FAM135B: variants seen among roughly 807,000 people sequenced by gnomAD.
FAM135B encodes family with sequence similarity 135 member B, also known as protein FAM135B.
Under a neutral mutation model 127.7 loss-of-function variants are expected in FAM135B, and 43 were observed. That is an observed-to-expected ratio of 0.34 (90% CI 0.26 to 0.43). FAM135B has a LOEUF of 0.43. Ranked by LOEUF, FAM135B falls within the 20% of genes least tolerant of loss-of-function variation. The pLI is 1.00. For missense variants in FAM135B, 1,558 were observed against 1,725.6 expected, an observed-to-expected ratio of 0.90 and a Z score of 1.72; for synonymous variants, 670 against 665.1, an observed-to-expected ratio of 1.01 and a Z score of -0.11.
chr8:138,242,230 T>A lies in FAM135B; in HGVS notation c.669+712A>T, dbSNP rs1820860837. Among the ~76,000 whole-genome samples, 3 of 150,700 alleles carry A rather than the reference T, an allele frequency of 2.0e-5. No homozygotes were observed. In the South Asian group the frequency reaches 6.3e-4, roughly 32 times the overall value. On this transcript the variant is annotated intron_variant, in intron 7 of 19. Coordinates refer to ENST00000395297, the MANE Select transcript of FAM135B (RefSeq NM_015912.4). The surrounding 1 kb of genome is among the most constrained non-coding windows in gnomAD (Gnocchi z 9.6). ...GTGTGTGTGTGTGTTCTATTGGCTG[T>A]ATTGGTCCTGTTTCTCTGGAGAACC...
intron 12 of FAM135B, among the ~76,000 whole-genome samples, chr8:138,160,104 G>T (rs2130847308): frequency 6.6e-6 from 1 of 152,252 alleles, no homozygotes; most frequent in Middle Eastern, 3.4e-3. Flanking sequence ...TGTCTCTAGT[G>T]ATGACACAGA....
At chr8:138,476,706 C>G (rs1339587277) in intron 1 of FAM135B, among the ~76,000 whole-genome samples, 1 of 151,990 alleles carries the variant, frequency 6.6e-6, no homozygotes, top group African/African-American at 2.4e-5. Context: ...CATAGCCTAG[C>G]CTATAAATTA....
intron 1 of FAM135B, among the ~76,000 whole-genome samples, chr8:138,403,110 T>C (rs1476121812): frequency 2.0e-5 from 3 of 152,198 alleles, no homozygotes; most frequent in Admixed American, 1.3e-4. Flanking sequence ...GTTTAAGCCA[T>C]CCTGTCTATG....
intron 9 of FAM135B, among the ~76,000 whole-genome samples, chr8:138,186,953 C>A (rs1439671744): frequency 1.3e-5 from 2 of 152,180 alleles, no homozygotes; most frequent in African/African-American, 4.8e-5. Context: ...AGCCACATTT[C>A]TCTGTGTCCA....
At chr8:138,139,775 A>T (rs1308649898) in intron 17 of FAM135B, among the ~76,000 whole-genome samples, 1 of 152,214 alleles carries the variant, frequency 6.6e-6, no homozygotes, top group Non-Finnish European at 1.5e-5. Flanking sequence ...TCAAAAAACA[A>T]CAACAACAAC....
chr8:138,440,666 A>C (rs78951381), intron 1 of FAM135B: 1 of 151,874 alleles, frequency 6.6e-6, no homozygotes, highest in Admixed American at 6.5e-5. Context: ...CTTTTTTGAC[A>C]TGAGATATTT....
At chr8:138,399,181 T>C (rs1331800049) in intron 1 of FAM135B, among the ~76,000 whole-genome samples, 3 of 152,206 alleles carry the variant, frequency 2.0e-5, no homozygotes, top group African/African-American at 7.2e-5. Flanking sequence ...GTGTCCTAGC[T>C]TCCTAGCTGA....
chr8:138,238,631 G>A (rs1820490402), intron 7 of FAM135B, among the ~76,000 whole-genome samples: 1 of 152,198 alleles, frequency 6.6e-6, no homozygotes, highest in Non-Finnish European at 1.5e-5. Context: ...GTCTCTGCAA[G>A]GAAAGGCTTA....
intron 1 of FAM135B, among the ~76,000 whole-genome samples, chr8:138,478,149 A>G (rs984873218): frequency 4.6e-5 from 7 of 152,002 alleles, no homozygotes; most frequent in Non-Finnish European, 1.0e-4. Context: ...TGAAATCCCA[A>G]CCCATCCCCC....
chr8:138,170,964 C>T (rs1476868808), intron 11 of FAM135B, among the ~76,000 whole-genome samples: 1 of 152,190 alleles, frequency 6.6e-6, no homozygotes, highest in African/African-American at 2.4e-5. Context: ...ACTCCAGGTT[C>T]TCCAGCTCTT....
chr8:138,477,858 A>G (rs895177608), intron 1 of FAM135B, among the ~76,000 whole-genome samples: 3 of 152,156 alleles, frequency 2.0e-5, no homozygotes, highest in African/African-American at 7.2e-5. Context: ...CCTGCTTCCT[A>G]TATATCAGAA....
rs757949667 is a variant in FAM135B at position 138,237,172 on chromosome 8, T to TTTTTTTG, written c.669+5769_669+5770insCAAAAAA. 5.0e-3 allele frequency among the ~76,000 whole-genome samples: 713 copies of TTTTTTTG among 141,762 alleles called. 3 individuals carry two copies. The highest frequency in any genetic ancestry group is 0.018 in the Middle Eastern group (5 of 284). 93.0% of individuals were successfully genotyped at this position (141,762 alleles called of 152,430 possible). ...TTGATTTTTTTTTTTTTTTTTTTTT[T>TTTTTTTG]TTGTTGGAGACAGAGTTTCACTCTG... On this transcript the variant is annotated intron_variant, in intron 7 of 19. Transcript: ENST00000395297.
At chr8:138,134,951 G>A (rs544959079) in intron 19 of FAM135B, among the ~76,000 whole-genome samples, 11 of 152,210 alleles carry the variant, frequency 7.2e-5, no homozygotes, top group Non-Finnish European at 1.3e-4. Flanking sequence ...TAAGCAAAGC[G>A]CATGAATTGT....
At chr8:138,341,067 A>C (rs1266022788) in intron 2 of FAM135B, among the ~76,000 whole-genome samples, 1 of 152,202 alleles carries the variant, frequency 6.6e-6, no homozygotes, top group East Asian at 1.9e-4. Context: ...ACTGGGTATA[A>C]ACCCAGAAGA....
chr8:138,399,940 G>A (rs1461900778), intron 1 of FAM135B, among the ~76,000 whole-genome samples: 1 of 152,204 alleles, frequency 6.6e-6, no homozygotes, highest in African/African-American at 2.4e-5. Context: ...CTTGTAGGAA[G>A]AGCATACCCT....
intron 2 of FAM135B, among the ~76,000 whole-genome samples, chr8:138,316,298 A>G (rs1827082993): frequency 6.6e-6 from 1 of 151,926 alleles, no homozygotes; most frequent in African/African-American, 2.4e-5. Context: ...CGAGGTCAGG[A>G]GATCGAGACC....
chr8:138,372,625 C>A (rs1252591556), intron 1 of FAM135B, among the ~76,000 whole-genome samples: 1 of 152,128 alleles, frequency 6.6e-6, no homozygotes, highest in Non-Finnish European at 1.5e-5. Flanking sequence ...TGGAGTACTG[C>A]AATAATTAAA....
intron 5 of FAM135B, among the ~76,000 whole-genome samples, chr8:138,253,826 T>C (rs1821882575): frequency 6.6e-6 from 1 of 152,218 alleles, no homozygotes; most frequent in African/African-American, 2.4e-5. Context: ...CCAGATGATT[T>C]GGTCATGTTT....
intron 1 of FAM135B, among the ~76,000 whole-genome samples, chr8:138,460,153 A>G (rs1178122429): frequency 6.6e-6 from 1 of 151,968 alleles, no homozygotes; most frequent in African/African-American, 2.4e-5. Context: ...TATCCATTCC[A>G]CTCATTATCA....
Sources: allele counts gnomAD v4.1 joint callset (sites outside exome capture counted in the v4.1 genomes callset), GRCh38; gene constraint gnomAD v4.1.1; non-coding constraint Gnocchi (gnomAD v3.1); transcripts MANE v1.5; gene names NCBI Gene and HGNC (gene_info 2026-07-23, HGNC 2026-07-21).